The following GABRA2 variants were observed in gnomAD, a reference collection of about 807,000 sequenced individuals.
The protein encoded by GABRA2 is gamma-aminobutyric acid receptor subunit alpha-2.
In GABRA2, 16 loss-of-function variants were observed where a neutral mutation model predicts 48.7. The ratio of observed to expected loss-of-function variants is 0.33; its 90% CI spans 0.22 to 0.50. GABRA2 has a LOEUF of 0.50. Among genes scored for constraint, GABRA2 ranks in the 20% least tolerant of loss-of-function variants. The pLI is 0.98. For missense variants in GABRA2, 275 were observed against 535.6 expected, an observed-to-expected ratio of 0.51 and a Z score of 4.80; for synonymous variants, 185 against 184.5, an observed-to-expected ratio of 1.00 and a Z score of -0.02.
At chr4:46,332,830 A>G (rs2109813993) in intron 3 of GABRA2, 148 bp from the exon 4 acceptor site, 9 of 538,304 alleles carry the variant, frequency 1.7e-5, no homozygotes, top group Middle Eastern at 4.9e-4. Context: ...CGCAACCATA[A>G]TGACTATAAT....
chr4:46,348,985 A>G (rs773586327), intron 3 of GABRA2, among the ~76,000 whole-genome samples: 21 of 152,014 alleles, frequency 1.4e-4, no homozygotes, highest in South Asian at 1.0e-3. Flanking sequence ...AGCAACCATC[A>G]CCCTGATGAT....
intron 3 of GABRA2, among the ~76,000 whole-genome samples, chr4:46,343,700 C>T (rs186222063): frequency 1.6e-4 from 24 of 151,826 alleles, no homozygotes; most frequent in Non-Finnish European, 3.4e-4. Context: ...ATGTATAACT[C>T]AACACAGATA....
At chr4:46,353,444 T>G (rs1295207323) in intron 3 of GABRA2, among the ~76,000 whole-genome samples, 1 of 152,064 alleles carries the variant, frequency 6.6e-6, no homozygotes, top group East Asian at 1.9e-4. Context: ...TGCCCAGAAC[T>G]TTGCAATGAT....
intron 8 of GABRA2, among the ~76,000 whole-genome samples, chr4:46,263,973 A>G (rs1393183261): frequency 3.4e-5 from 5 of 148,318 alleles, no homozygotes; most frequent in African/African-American, 1.2e-4. Context: ...AAACATTTCC[A>G]TTTATTTAGG....
At chr4:46,266,675 A>G (rs1222063352) in intron 8 of GABRA2, among the ~76,000 whole-genome samples, 1 of 147,026 alleles carries the variant, frequency 6.8e-6, no homozygotes, top group Non-Finnish European at 1.5e-5. Context: ...GATGGTTTTC[A>G]TCAAGTTTGA....
At chr4:46,353,421 C>T (rs962863198) in intron 3 of GABRA2, among the ~76,000 whole-genome samples, 1 of 152,064 alleles carries the variant, frequency 6.6e-6, no homozygotes, top group African/African-American at 2.4e-5. Flanking sequence ...AAAATCAAAT[C>T]GTGCCATGGC....
chr4:46,262,956 A>AGAG (rs1717324953), intron 8 of GABRA2, among the ~76,000 whole-genome samples: 1 of 30,960 alleles, frequency 3.2e-5, no homozygotes, highest in Non-Finnish European at 6.5e-5. Flanking sequence ...GAAAGAAAGA[A>AGAG]AGAGAGAGAG....
At chr4:46,351,038 T>A (rs1578140272) in intron 3 of GABRA2, among the ~76,000 whole-genome samples, 1 of 151,902 alleles carries the variant, frequency 6.6e-6, no homozygotes, top group East Asian at 1.9e-4. Context: ...TGTCTTTTTG[T>A]TAATTTTTCT....
intron 8 of GABRA2, among the ~76,000 whole-genome samples, chr4:46,263,916 C>A (rs908156765): frequency 0.015 from 423 of 29,134 alleles, 3 homozygotes; most frequent in African/African-American, 0.061. Context: ...GATCAATTCT[C>A]TCTCTCTCTC....
chr4:46,277,474 T>A (rs777038005), intron 8 of GABRA2, among the ~76,000 whole-genome samples: 13 of 152,150 alleles, frequency 8.5e-5, no homozygotes, highest in Non-Finnish European at 1.8e-4. Flanking sequence ...TGATTTCCTA[T>A]CCTACTACCA....
rs924486396 is a variant in GABRA2 at position 46,245,658 on chromosome 4, T to A, written c.*4650A>T. Among the ~76,000 whole-genome samples, 1 of 151,198 alleles carries A rather than the reference T, an allele frequency of 6.6e-6. No homozygotes were observed. The highest frequency in any genetic ancestry group is 2.4e-5 in the African/African-American group (1 of 41,364). On this transcript the variant is annotated 3_prime_UTR_variant, in exon 10 of 10. Coordinates refer to ENST00000381620, the MANE Select transcript of GABRA2 (RefSeq NM_000807.4). ...TTTAGATATCATAAATTTATCTGAA[T>A]TTCTCAAAACATTATTCCATACATA...
intron 3 of GABRA2, among the ~76,000 whole-genome samples, chr4:46,385,070 T>C (rs532639729): frequency 1.6e-5 from 2 of 124,664 alleles, no homozygotes; most frequent in Admixed American, 9.3e-5. Context: ...AACCATACAA[T>C]TGCCTAACAT....
At chr4:46,261,634 G>C (rs1251918365) in intron 9 of GABRA2, 1 of 489,378 alleles carries the variant, frequency 2.0e-6, no homozygotes, top group African/African-American at 1.9e-5. Context: ...TAAGAAGGCA[G>C]TCTAGTCATA....
At chr4:46,376,272 T>C (rs1326013197) in intron 3 of GABRA2, among the ~76,000 whole-genome samples, 1 of 152,224 alleles carries the variant, frequency 6.6e-6, no homozygotes, top group Non-Finnish European at 1.5e-5. Context: ...TCACTACCAA[T>C]ATAGATTTCT....
At chr4:46,335,463 T>C (rs1441713560) in intron 3 of GABRA2, among the ~76,000 whole-genome samples, 1 of 152,082 alleles carries the variant, frequency 6.6e-6, no homozygotes, top group East Asian at 1.9e-4. Context: ...TCAGTCTTGA[T>C]CACTCTTTTT....
chr4:46,326,602 AT>A (rs369797769), intron 4 of GABRA2, among the ~76,000 whole-genome samples: 90 of 148,658 alleles, frequency 6.1e-4, no homozygotes, highest in African/African-American at 2.2e-3. Context: ...CTCTTCTTCC[AT>A]TTTTTTGTCC....
At chr4:46,376,419 C>A (rs1157009255) in intron 3 of GABRA2, among the ~76,000 whole-genome samples, 3 of 152,256 alleles carry the variant, frequency 2.0e-5, no homozygotes, top group South Asian at 2.1e-4. Flanking sequence ...TGAAGTGCTA[C>A]AGGGAAAAAA....
chr4:46,290,929 T>A (rs1280332629), intron 8 of GABRA2, among the ~76,000 whole-genome samples: 1 of 152,212 alleles, frequency 6.6e-6, no homozygotes, highest in Non-Finnish European at 1.5e-5. Context: ...CCCTTGTTTA[T>A]CTAAGTTCCA....
In GABRA2 at chr4:46,245,889, T is replaced by G. The variant is rs1313756840; in HGVS notation, c.*4419A>C. Among the ~76,000 whole-genome samples, 1 of 151,212 alleles carries G rather than the reference T, an allele frequency of 6.6e-6. No homozygotes were observed. The highest frequency in any genetic ancestry group is 1.5e-5 in the Non-Finnish European group (1 of 67,438). Reference sequence around the variant, plus strand: ...GAGGTGGGACGTATAACCACCTTTATAAGTATTTCTTCATATATAAACAAA... The same window carrying G: ...GAGGTGGGACGTATAACCACCTTTAGAAGTATTTCTTCATATATAAACAAA... On this transcript the variant is annotated 3_prime_UTR_variant, in exon 10 of 10. Coordinates refer to ENST00000381620, the MANE Select transcript of GABRA2 (RefSeq NM_000807.4).
Sources: allele counts gnomAD v4.1 joint callset (sites outside exome capture counted in the v4.1 genomes callset), GRCh38; gene constraint gnomAD v4.1.1; transcripts MANE v1.5; gene names NCBI Gene and HGNC (gene_info 2026-07-23, HGNC 2026-07-21).